RSRC1: variants seen among roughly 807,000 people sequenced by gnomAD.
RSRC1 encodes the protein serine/Arginine-related protein 53.
In RSRC1, 39 loss-of-function variants were observed where a neutral mutation model predicts 49.1. That is an observed-to-expected ratio of 0.79 (90% CI 0.61 to 1.04). The LOEUF (loss-of-function observed/expected upper bound fraction) is 1.04, where lower values mean the gene tolerates loss of function less well. Among genes scored for constraint, RSRC1 ranks in the 50% least tolerant of loss-of-function variants. The pLI, the probability that RSRC1 is intolerant of heterozygous loss-of-function variation, is 0.00. For missense variants in RSRC1, 388 were observed against 402.4 expected (o/e 0.96, Z 0.31); for synonymous variants, 143 against 130.8 (o/e 1.09, Z -0.63).
At chr3:158,252,159 G>C (rs891080226) in intron 4 of RSRC1, among the ~76,000 whole-genome samples, 9 of 145,762 alleles carry the variant, frequency 6.2e-5, no homozygotes, top group African/African-American at 2.4e-4. Flanking sequence ...CATGATGAAT[G>C]ATTTTTTTTT....
chr3:158,268,519 A>G (rs961576081), intron 4 of RSRC1, among the ~76,000 whole-genome samples: 1 of 152,112 alleles, frequency 6.6e-6, no homozygotes, highest in Admixed American at 6.5e-5. Context: ...GTCTTCTACT[A>G]TTGTGTTTCT....
chr3:158,279,896 T>C (rs1274377334), intron 4 of RSRC1, among the ~76,000 whole-genome samples: 2 of 152,102 alleles, frequency 1.3e-5, no homozygotes, highest in African/African-American at 4.8e-5. Flanking sequence ...ATGTAATCAG[T>C]GGGACTCTGG....
At chr3:158,538,393 G>C (rs1712838453) in intron 8 of RSRC1, among the ~76,000 whole-genome samples, 1 of 151,726 alleles carries the variant, frequency 6.6e-6, no homozygotes, top group Non-Finnish European at 1.5e-5. Flanking sequence ...CTGTGAAATA[G>C]ACATTCATAA....
At chr3:158,179,386 A>C (rs1719448786) in intron 3 of RSRC1, among the ~76,000 whole-genome samples, 1 of 152,142 alleles carries the variant, frequency 6.6e-6, no homozygotes, top group African/African-American at 2.4e-5. Flanking sequence ...TGGCAAACTC[A>C]CTTTTCTTTT....
rs34766107 is a variant in RSRC1 at position 158,127,756 on chromosome 3, GTTT to G, written c.320+3783_320+3785del. Among the ~76,000 whole-genome samples the G allele has an allele frequency of 2.8e-3, 227 of 81,268 alleles. 2 individuals carry two copies. Among genetic ancestry groups the G allele is most frequent in the East Asian group, 0.012 (31 of 2,548 alleles). 53.3% of individuals were successfully genotyped at this position (81,268 alleles called of 152,430 possible). A position where few individuals can be genotyped will look rare whatever the true frequency, so the allele number is the denominator to read the frequency against. On this transcript the variant is annotated intron_variant, in intron 3 of 9. Transcript: ENST00000611884. ...TCCTTCTTTCTTTGACTGCTTTGTGGTTTTTTTTTTTTTTTTTTTTGGCTGAGT... is the reference window on the plus strand; with the variant it reads ...TCCTTCTTTCTTTGACTGCTTTGTGGTTTTTTTTTTTTTTTTTGGCTGAGT...
intron 4 of RSRC1, among the ~76,000 whole-genome samples, chr3:158,216,262 G>A (rs1318089731): frequency 1.3e-5 from 2 of 150,746 alleles, no homozygotes; most frequent in Non-Finnish European, 3.0e-5. Context: ...ACTATGATGT[G>A]GCAGTTTTTG....
At chr3:158,250,051 G>T (rs1166710695) in intron 4 of RSRC1, among the ~76,000 whole-genome samples, 1 of 152,146 alleles carries the variant, frequency 6.6e-6, no homozygotes, top group Admixed American at 6.6e-5. Flanking sequence ...CCACAAATAA[G>T]TGAGAACATG....
chr3:158,457,601 G>A lies in RSRC1; in HGVS notation c.584-3334G>A, dbSNP rs1737398289. ...ATACAGCCCAAGAATAGAACGCCAA[G>A]AAGGCACAGGTGAGCAAAAGAAACA... is the stretch of plus-strand genomic sequence containing the variant. On this transcript the variant is annotated intron_variant, in intron 6 of 9. Coordinates refer to ENST00000611884, the MANE Select transcript of RSRC1 (RefSeq NM_001271838.2). Among the ~76,000 whole-genome samples, 4 of 152,294 alleles carry A rather than the reference G, an allele frequency of 2.6e-5. No homozygotes were observed. In the South Asian group the frequency reaches 8.3e-4, roughly 32 times the overall value.
chr3:158,439,116 A>G (rs1736230280), intron 6 of RSRC1, among the ~76,000 whole-genome samples: 1 of 152,174 alleles, frequency 6.6e-6, no homozygotes, highest in Non-Finnish European at 1.5e-5. Flanking sequence ...ACAATGAGAT[A>G]CCATCTCACA....
chr3:158,498,857 T>A (rs1418211571), intron 7 of RSRC1, among the ~76,000 whole-genome samples: 3 of 152,216 alleles, frequency 2.0e-5, no homozygotes, highest in African/African-American at 7.2e-5. Context: ...TTTTGTTTGC[T>A]TTGTCGAAGA....
At chr3:158,505,452 T>C (rs774050592) in intron 7 of RSRC1, among the ~76,000 whole-genome samples, 1 of 152,184 alleles carries the variant, frequency 6.6e-6, no homozygotes, top group Non-Finnish European at 1.5e-5. Flanking sequence ...GGCTGAATAC[T>C]GTGGGAGTAC....
chr3:158,283,796 G>A (rs1284703807), intron 4 of RSRC1, among the ~76,000 whole-genome samples: 1 of 151,690 alleles, frequency 6.6e-6, no homozygotes, highest in Admixed American at 6.6e-5. Flanking sequence ...GAAAACCTGT[G>A]TTATTTTCTG....
At chr3:158,513,113 C>A (rs1194616664) in intron 7 of RSRC1, among the ~76,000 whole-genome samples, 2 of 145,368 alleles carry the variant, frequency 1.4e-5, no homozygotes, top group East Asian at 2.0e-4. Flanking sequence ...TTATTTCCTT[C>A]TCCTGCCTAA....
At chr3:158,517,646 G>A (rs969368806) in intron 7 of RSRC1, among the ~76,000 whole-genome samples, 1 of 150,558 alleles carries the variant, frequency 6.6e-6, no homozygotes, top group South Asian at 2.1e-4. Context: ...CAGGTAGAGT[G>A]CAGTGGCATG....
intron 4 of RSRC1, among the ~76,000 whole-genome samples, chr3:158,227,944 C>T (rs904670864): frequency 6.6e-6 from 1 of 152,000 alleles, no homozygotes; most frequent in African/African-American, 2.4e-5. Context: ...TCTAGACTGC[C>T]AAACCCTGTT....
intron 6 of RSRC1, among the ~76,000 whole-genome samples, chr3:158,359,650 G>A (rs1448847744): frequency 6.6e-6 from 1 of 152,190 alleles, no homozygotes; most frequent in Non-Finnish European, 1.5e-5. Flanking sequence ...CAAGGAGGGA[G>A]CCACAGTCCT....
intron 6 of RSRC1, among the ~76,000 whole-genome samples, chr3:158,453,631 A>C (rs1162202451): frequency 3.3e-5 from 5 of 151,840 alleles, no homozygotes; most frequent in Admixed American, 1.3e-4. Context: ...GATCCTCCCA[A>C]AGTGCTGAAA....
At chr3:158,480,849 C>G (rs1738580652) in intron 7 of RSRC1, among the ~76,000 whole-genome samples, 1 of 152,004 alleles carries the variant, frequency 6.6e-6, no homozygotes, top group Admixed American at 6.6e-5. Context: ...AAAGTACTAT[C>G]CAGAATATTC....
At chr3:158,239,510 G>A (rs2107988841) in intron 4 of RSRC1, among the ~76,000 whole-genome samples, 1 of 151,414 alleles carries the variant, frequency 6.6e-6, no homozygotes, top group African/African-American at 2.4e-5. Context: ...TATACACCAT[G>A]GAATACTGTG....
Sources: allele counts gnomAD v4.1 joint callset (sites outside exome capture counted in the v4.1 genomes callset), GRCh38; gene constraint gnomAD v4.1.1; transcripts MANE v1.5; gene names NCBI Gene and HGNC (gene_info 2026-07-23, HGNC 2026-07-21).